RANBP3: variants seen among roughly 807,000 people sequenced by gnomAD.
The protein encoded by RANBP3 is RAN binding protein 3, also known as ran-binding protein 3.
In RANBP3, 14 loss-of-function variants were observed where a neutral mutation model predicts 77.3. That is an observed-to-expected ratio of 0.18 (90% CI 0.12 to 0.28). The LOEUF (loss-of-function observed/expected upper bound fraction) is 0.28. Among genes scored for constraint, RANBP3 ranks in the 10% least tolerant of loss-of-function variants. The probability of loss-of-function intolerance (pLI) is 1.00; values close to 1 mark genes in which losing one functional copy is unlikely to be tolerated. For synonymous variants in RANBP3, 315 were observed against 312.4 expected (o/e 1.01, Z -0.09); for missense variants, 586 against 752.3 (o/e 0.78, Z 2.59).
At chr19:5,919,436 G>C (rs1481168551) in intron 14 of RANBP3, among the ~76,000 whole-genome samples, 1 of 152,208 alleles carries the variant, frequency 6.6e-6, no homozygotes, top group Non-Finnish European at 1.5e-5. Context: ...CCGAGTGGGA[G>C]AAAGACAGAG....
chr19:5,925,392 C>T (rs1163641173), intron 10 of RANBP3: 1 of 579,294 alleles, frequency 1.7e-6, no homozygotes, highest in Non-Finnish European at 3.1e-6. Flanking sequence ...CTCCATGGGC[C>T]CCTGGACAAC....
chr19:5,919,092 G>A (rs1360496849), intron 14 of RANBP3, among the ~76,000 whole-genome samples: 6 of 152,122 alleles, frequency 3.9e-5, no homozygotes, highest in Admixed American at 6.5e-5. Flanking sequence ...GGGAGTCCAC[G>A]TCCTCCTGAC....
chr19:5,945,950 C>T (rs2058198892), intron 3 of RANBP3, among the ~76,000 whole-genome samples: 1 of 152,082 alleles, frequency 6.6e-6, no homozygotes, highest in African/African-American at 2.4e-5. Flanking sequence ...TCTAGCCCCC[C>T]GAGAACGTAC....
intron 2 of RANBP3, among the ~76,000 whole-genome samples, chr19:5,954,921 A>G (rs2058317958): frequency 6.6e-6 from 1 of 152,200 alleles, no homozygotes; most frequent in South Asian, 2.1e-4. Context: ...CTGTCCTCCG[A>G]CAGCGAAGCA....
chr19:5,946,111 C>T (rs983913617), intron 3 of RANBP3, among the ~76,000 whole-genome samples: 3 of 152,198 alleles, frequency 2.0e-5, no homozygotes, highest in Admixed American at 6.5e-5. Flanking sequence ...CAGGTCCCTG[C>T]GTGTCTGAGA....
At chr19:5,918,926 G>T (rs2057781514) in intron 14 of RANBP3, among the ~76,000 whole-genome samples, 1 of 152,262 alleles carries the variant, frequency 6.6e-6, no homozygotes, top group South Asian at 2.1e-4. Flanking sequence ...CATGCAGCTT[G>T]TGGGAGGTTG....
At position 5,917,544 on chromosome 19, in the gene RANBP3, G is replaced by GGGGCGGGT; in HGVS notation, c.*58_*65dup. 3.4e-6 allele frequency: 5 copies of GGGGCGGGT among 1,486,248 alleles called. No homozygotes were observed. The highest frequency in any genetic ancestry group is 2.4e-4 in the Middle Eastern group (1 of 4,160). 92.1% of individuals were successfully genotyped at this position (1,486,248 alleles called of 1,614,324 possible). A position where few individuals can be genotyped will look rare whatever the true frequency, so the allele number is the denominator to read the frequency against. On this transcript the variant is annotated 3_prime_UTR_variant, in exon 17 of 17. Coordinates refer to ENST00000340578, the MANE Select transcript of RANBP3 (RefSeq NM_007322.3). ...GCACCTGGACGCTGCCGGTGGGGTGGGGGCGGGTGGGCGGGTGGATAGACG... is the reference window on the plus strand; with the variant it reads ...GCACCTGGACGCTGCCGGTGGGGTGGGGGCGGGTGGGCGGGTGGGCGGGTGGATAGACG...
At position 5,923,151 on chromosome 19, in the gene RANBP3, G is replaced by C. The variant is rs199974779; in HGVS notation, c.1209+43C>G. On this transcript the variant is annotated intron_variant, in intron 13 of 16. Transcript: ENST00000340578. ...AGCCCTTGCGGTTGGACCCCCAGGT[G>C]CATGGAAGACCCAGGGCCACCGAGG... The C allele has an allele frequency of 1.1e-3, 1,708 of 1,525,850 alleles. 2 individuals are homozygous for C. Among genetic ancestry groups the C allele is most frequent in the Admixed American group, 2.3e-3 (138 of 59,740 alleles). 94.5% of individuals were successfully genotyped at this position (1,525,850 alleles called of 1,614,324 possible).
In RANBP3 at chr19:5,917,622, G is replaced by A. The variant is rs374206255; in HGVS notation, c.1692C>T (p.Thr564=). Residue 564 remains threonine (T), a synonymous_variant, in exon 17 of 17, where the codon ACC becomes ACT. Transcript: ENST00000340578. Reference sequence around the variant, plus strand: ...GGGCTCCCGGCCGCTATGTGCTCCCGGTCGTCTGCCCGTCCCCTTCGTCAC... The same window carrying A: ...GGGCTCCCGGCCGCTATGTGCTCCCAGTCGTCTGCCCGTCCCCTTCGTCAC... ...GAGDEGDGQT[T]GST The A allele has an allele frequency of 1.4e-4, 227 of 1,604,836 alleles. No individual in the cohort carries two copies. The South Asian group carries it at 1.7e-3, about 12-fold the overall frequency.
At chr19:5,939,970 C>A (rs895426777) in intron 5 of RANBP3, among the ~76,000 whole-genome samples, 5 of 152,258 alleles carry the variant, frequency 3.3e-5, no homozygotes, top group African/African-American at 7.2e-5. Context: ...CCCCCTCCCC[C>A]ACCTAAGATC....
intron 5 of RANBP3, 25 bp from the exon 6 acceptor site, chr19:5,933,504 A>C: frequency 6.2e-7 from 1 of 1,607,204 alleles, no homozygotes; most frequent in Non-Finnish European, 8.5e-7. Flanking sequence ...CAAAATATCA[A>C]CAGCAGGCCT....
At chr19:5,922,596 G>A (rs895121085) in intron 13 of RANBP3, among the ~76,000 whole-genome samples, 1 of 152,208 alleles carries the variant, frequency 6.6e-6, no homozygotes. Context: ...AGCTCTGGGC[G>A]ACAAGAGAAT....
intron 2 of RANBP3, among the ~76,000 whole-genome samples, chr19:5,951,876 C>T (rs2058281293): frequency 6.6e-6 from 1 of 152,312 alleles, no homozygotes; most frequent in East Asian, 1.9e-4. Flanking sequence ...AAACTATGGG[C>T]TGCCTGGCAA....
chr19:5,927,925 G>A (rs763596015), intron 9 of RANBP3, 43 bp downstream of exon 9: 1 of 1,572,244 alleles, frequency 6.4e-7, no homozygotes, highest in Non-Finnish European at 8.6e-7. Context: ...TGAACCTGGG[G>A]AAGGCATAAA....
intron 2 of RANBP3, among the ~76,000 whole-genome samples, chr19:5,957,463 G>T (rs11879295): frequency 6.6e-6 from 1 of 152,020 alleles, no homozygotes; most frequent in South Asian, 2.1e-4. Flanking sequence ...CGCCCAGCTC[G>T]TTAGGGCCAA....
In RANBP3 at chr19:5,923,710, G is replaced by T; in HGVS notation, c.1099+102C>A. ...TCACATGTGGTTGTTACTGCTGCGG[G>T]AGTCGGGCCCCTTATCCCTCCCGGC... On this transcript the variant is annotated intron_variant, in intron 12 of 16. Coordinates refer to ENST00000340578, the MANE Select transcript of RANBP3 (RefSeq NM_007322.3). 3.5e-6 allele frequency: 3 copies of T among 851,398 alleles called. No individual in the cohort carries two copies. The South Asian group carries it at 4.6e-5, about 13-fold the overall frequency. The allele number at this position is 851,398 out of a possible 1,614,324, so 52.7% of individuals were successfully genotyped here. A position where few individuals can be genotyped will look rare whatever the true frequency, so the allele number is the denominator to read the frequency against.
At chr19:5,975,702 C>T (rs768714626) in intron 1 of RANBP3, among the ~76,000 whole-genome samples, 9 of 146,208 alleles carry the variant, frequency 6.2e-5, no homozygotes, top group Admixed American at 2.8e-4. Flanking sequence ...GCAGGGTGAA[C>T]GGAATAGAGA....
intron 5 of RANBP3, 159 bp from the exon 6 acceptor site, chr19:5,933,638 C>T (rs2058025822): frequency 1.8e-6 from 1 of 570,704 alleles, no homozygotes; most frequent in African/African-American, 1.9e-5. Flanking sequence ...CTCGTCCGAT[C>T]AGCAGGCCTG....
At chr19:5,954,034 C>T (rs1269512493) in intron 2 of RANBP3, among the ~76,000 whole-genome samples, 2 of 152,204 alleles carry the variant, frequency 1.3e-5, no homozygotes, top group East Asian at 1.9e-4. Context: ...CACAGAAAAC[C>T]GCTGTGTGGC....
Sources: gnomAD v4.1 joint callset for allele counts (sites outside exome capture counted in the v4.1 genomes callset) on GRCh38, gnomAD v4.1.1 for gene constraint, MANE v1.5 for transcripts, NCBI Gene and HGNC (gene_info 2026-07-23, HGNC 2026-07-21) for gene names.